The following ZFHX2 variants were observed in gnomAD, a reference collection of about 807,000 sequenced individuals.
ZFHX2 encodes the protein zinc finger homeobox protein 2.
Under a neutral mutation model 164.8 loss-of-function variants are expected in ZFHX2, and 75 were observed. That is an observed-to-expected ratio of 0.46 (90% CI 0.38 to 0.55). The LOEUF (loss-of-function observed/expected upper bound fraction) is 0.55, where lower values mean the gene tolerates loss of function less well. Among genes scored for constraint, ZFHX2 ranks in the 20% least tolerant of loss-of-function variants. The probability of loss-of-function intolerance (pLI) is 0.00; values close to 1 mark genes in which losing one functional copy is unlikely to be tolerated. For missense variants in ZFHX2, 2,933 were observed against 3,308.0 expected (o/e 0.89, Z 2.78); for synonymous variants, 1,217 against 1,351.4 (o/e 0.90, Z 2.18).
intron 3 of ZFHX2, 117 bp downstream of exon 3, chr14:23,532,450 T>C (rs1420372220): frequency 7.8e-7 from 1 of 1,282,146 alleles, no homozygotes; most frequent in African/African-American, 1.5e-5. Context: ...TGGTGCATAC[T>C]TTCCTTTTTC....
rs75459524 is a variant in ZFHX2, at chr14:23,521,454, T to C, written c.*508A>G. 0.027 allele frequency: 4,107 copies of C among 154,468 alleles called. 174 individuals carry two copies. The highest frequency in any genetic ancestry group is 0.094 in the African/African-American group (3,890 of 41,546). 9.6% of individuals were successfully genotyped at this position (154,468 alleles called of 1,614,324 possible). A position where few individuals can be genotyped will look rare whatever the true frequency, so the allele number is the denominator to read the frequency against. ...GAGAAGAGAGAGTGGCGAAGTTTGT[T>C]TTCCTTCCCCCTTCTTTGCCTTGGG... On this transcript the variant is annotated 3_prime_UTR_variant, in exon 10 of 10. Transcript: ENST00000419474.
Position 23,535,026 on chromosome 14 carries a change from C to G in ZFHX2, c.300G>C (p.Glu100Asp), listed in dbSNP as rs1451694000. The G allele has an allele frequency of 6.5e-7, 1 of 1,536,016 alleles. No homozygotes were observed. Among genetic ancestry groups the G allele is most frequent in the Non-Finnish European group, 8.7e-7 (1 of 1,146,856 alleles). Reference sequence around the variant, plus strand: ...CCATGGGAGGGAGCCCTTCTTCTTCCTCCTCCTGCTCCTTGTCCTTTTCCA... The same window carrying G: ...CCATGGGAGGGAGCCCTTCTTCTTCGTCCTCCTGCTCCTTGTCCTTTTCCA... ...PGVEKDKEQE[E>D]EEEGLPPMDL... The change falls in exon 2 of 10, where the codon GAG (glutamate) becomes GAC (aspartate). Residue 100 changes from glutamate to aspartate, a missense_variant. Physicochemically the swap from Glu to Asp is conservative, Grantham distance 45. Coordinates refer to ENST00000419474, the MANE Select transcript of ZFHX2 (RefSeq NM_033400.3). This position sits in a 1 kb window ranked among gnomAD's most constrained non-coding sequence, Gnocchi z 4.5.
At chr14:23,549,881 A>C (rs1293619061) in intron 1 of ZFHX2, among the ~76,000 whole-genome samples, 1 of 152,154 alleles carries the variant, frequency 6.6e-6, no homozygotes, top group African/African-American at 2.4e-5. Flanking sequence ...AAAATGCTGG[A>C]TAAGAGGAAA....
chr14:23,539,239 C>A (rs926419388), intron 1 of ZFHX2, among the ~76,000 whole-genome samples: 3 of 152,164 alleles, frequency 2.0e-5, no homozygotes, highest in Non-Finnish European at 2.9e-5. Context: ...TTCCTCTGTC[C>A]AGACCCAGGT....
chr14:23,552,016 G>T (rs1882003151), upstream of ZFHX2, among the ~76,000 whole-genome samples: 5 of 152,164 alleles, frequency 3.3e-5, no homozygotes, highest in South Asian at 4.1e-4. Flanking sequence ...AACCATACAT[G>T]TGTTTTGTTG....
chr14:23,523,336 C>T lies in ZFHX2; in HGVS notation c.6606G>A (p.Lys2202=). 1.4e-6 allele frequency: 2 copies of T among 1,461,942 alleles called. No individual in the cohort carries two copies. The highest frequency in any genetic ancestry group is 1.8e-6 in the Non-Finnish European group (2 of 1,110,240). The allele number at this position is 1,461,942 out of a possible 1,614,324, so 90.6% of individuals were successfully genotyped here. ...AGGCAGGTGTGGTGGCAGGTGGGGC[C>T]TTGAGAGCTGGGGGAGCCTCAGGTG... is the stretch of plus-strand genomic sequence containing the variant. ...APAPEAPPAL[K]APPATTPASM... Residue 2202 remains lysine, a synonymous_variant, in exon 9 of 10, where the codon AAG becomes AAA. Coordinates refer to ENST00000419474, the MANE Select transcript of ZFHX2 (RefSeq NM_033400.3). This position sits in a 1 kb window ranked among gnomAD's most constrained non-coding sequence, Gnocchi z 4.1.
At chr14:23,528,729 C>T (rs1255877960) in intron 6 of ZFHX2, 2 of 985,308 alleles carry the variant, frequency 2.0e-6, no homozygotes, top group Non-Finnish European at 2.4e-6. Flanking sequence ...TGTGAATAAA[C>T]ACCACAGCTC....
At chr14:23,544,704 C>A (rs2138886616) in intron 1 of ZFHX2, among the ~76,000 whole-genome samples, 1 of 152,242 alleles carries the variant, frequency 6.6e-6, no homozygotes, top group East Asian at 1.9e-4. Flanking sequence ...TGAGTGTGAT[C>A]TCGTTACACT....
intron 6 of ZFHX2, chr14:23,529,266 C>A: frequency 3.6e-5 from 6 of 168,000 alleles, no homozygotes; most frequent in Admixed American, 1.2e-4. Flanking sequence ...TGCCCCTACC[C>A]TTAGTAAGAG....
rs1486601951 is a variant in ZFHX2 at position 23,525,163 on chromosome 14, G to A, written c.4779C>T (p.Ala1593=). ...ACTTGGTTCTGGAGAACCGGCGGCC[G>A]GCAGGCACCAGGGGAGGAAGATTCC... The part of the protein sequence containing the change: ...SRGNLPPLVP[A]GRRFSRTKFT... The change falls in exon 9 of 10, where the codon GCC becomes GCT. Residue 1593 remains alanine (A), a synonymous_variant. Coordinates refer to ENST00000419474, the MANE Select transcript of ZFHX2 (RefSeq NM_033400.3). This position sits in a 1 kb window ranked among gnomAD's most constrained non-coding sequence, Gnocchi z 5.9. 1.8e-5 allele frequency: 27 copies of A among 1,536,016 alleles called. No homozygotes were observed. Among genetic ancestry groups the A allele is most frequent in the African/African-American group, 2.7e-5 (2 of 73,040 alleles).
Position 23,524,420 on chromosome 14 carries a change from G to A in ZFHX2, c.5522C>T (p.Pro1841Leu). The change falls in exon 9 of 10, where the codon CCC becomes CTC. Residue 1841 changes from proline (P) to leucine (L), a missense_variant. Physicochemically the swap from Pro to Leu is moderately conservative, Grantham distance 98 (BLOSUM62 -3). Transcript: ENST00000419474. The surrounding 1 kb of genome is among the most constrained non-coding windows in gnomAD (Gnocchi z 5.6). The part of the protein sequence containing the change: ...KRKHEDGSLS[P>L]TGSEAGGGGE... The stretch of plus-strand genomic sequence containing the variant: ...TCCTCCCCCTGCTTCACTGCCTGTG[G>A]GAGACAAGCTGCCGTCCTCATGCTT... 6.5e-7 allele frequency: 1 copy of A among 1,536,200 alleles called. No homozygotes were observed. Among genetic ancestry groups the A allele is most frequent in the South Asian group, 1.2e-5 (1 of 84,062 alleles).
Position 23,527,759 on chromosome 14 carries a change from G to T in ZFHX2, c.2980C>A (p.Gln994Lys). 1.3e-6 allele frequency: 2 copies of T among 1,536,148 alleles called. No homozygotes were observed. The highest frequency in any genetic ancestry group is 1.7e-6 in the Non-Finnish European group (2 of 1,146,918). ...YCSFLSPESS[Q>K]VRAHTLSQHA... The stretch of plus-strand genomic sequence containing the variant: ...TGGGAGAGTGTATGAGCCCTCACCT[G>T]GCTGGACTCTGGGCTCAGGAAGCTG... The change falls in exon 7 of 10, where the codon CAG becomes AAG. Residue 994 changes from glutamine to lysine, a missense_variant. Physicochemically the swap from Gln to Lys is moderately conservative, Grantham distance 53. Transcript: ENST00000419474.
intron 3 of ZFHX2, 159 bp from the exon 4 acceptor site, chr14:23,531,880 G>T: frequency 1.0e-6 from 1 of 982,764 alleles, no homozygotes; most frequent in Non-Finnish European, 1.3e-6. Flanking sequence ...TGGGTTCAGT[G>T]ATTCTCATGC....
chr14:23,530,198 T>G lies in ZFHX2; in HGVS notation c.2801-4A>C. The stretch of plus-strand genomic sequence containing the variant: ...AAGGGGGTGACAGGAGCCTTCCCTG[T>G]GTAGGATGGGGGGAGAGTCAGCTTA... On this transcript the variant is annotated splice_polypyrimidine_tract_variant and splice_region_variant and intron_variant, in intron 4 of 9. Transcript: ENST00000419474. The G allele has an allele frequency of 6.5e-7, 1 of 1,529,580 alleles. No homozygotes were observed. The highest frequency in any genetic ancestry group is 8.8e-7 in the Non-Finnish European group (1 of 1,141,560). 94.8% of individuals were successfully genotyped at this position (1,529,580 alleles called of 1,614,324 possible).
chr14:23,526,019 T>C lies in ZFHX2; in HGVS notation c.3923A>G (p.Lys1308Arg). 1 of 1,535,348 alleles carries C rather than the reference T, an allele frequency of 6.5e-7. No homozygotes were observed. The highest frequency in any genetic ancestry group is 8.7e-7 in the Non-Finnish European group (1 of 1,146,300). Residue 1308 changes from lysine to arginine, a missense_variant, in exon 9 of 10, where the codon AAG becomes AGG. Lys to Arg is a conservative substitution (Grantham distance 26). Coordinates refer to ENST00000419474, the MANE Select transcript of ZFHX2 (RefSeq NM_033400.3). ...GETEGEVGTE[K>R]KGPDTSGFIS... ...GAAGCCACTGGTGTCAGGGCCCTTC[T>C]TCTCAGTGCCCACCTCCCCCTCTGT...
At chr14:23,537,417 G>A (rs1880301532) in intron 1 of ZFHX2, among the ~76,000 whole-genome samples, 1 of 152,030 alleles carries the variant, frequency 6.6e-6, no homozygotes, top group Non-Finnish European at 1.5e-5. Flanking sequence ...GGCGAGGGGC[G>A]TGGCCTCTCT....
intron 1 of ZFHX2, among the ~76,000 whole-genome samples, chr14:23,539,322 C>T (rs1343000937): frequency 6.6e-6 from 1 of 151,926 alleles, no homozygotes; most frequent in African/African-American, 2.4e-5. Context: ...GGAGTTAATG[C>T]CCTACAAACA....
At chr14:23,527,018 G>A (rs367932494) in intron 7 of ZFHX2, 45 bp from the exon 8 acceptor site, 3 of 1,461,774 alleles carry the variant, frequency 2.1e-6, no homozygotes, top group African/African-American at 2.8e-5. Context: ...ACCCCCCACT[G>A]CCCCTATGCC....
intron 1 of ZFHX2, among the ~76,000 whole-genome samples, chr14:23,541,821 TCTA>T (rs1227715509): frequency 1.1e-4 from 14 of 128,962 alleles, no homozygotes; most frequent in Admixed American, 7.0e-4. Flanking sequence ...AAACTATCAT[TCTA>T]TCATCTCTAA....
Sources: gnomAD v4.1 joint callset for allele counts (sites outside exome capture counted in the v4.1 genomes callset) on GRCh38, gnomAD v4.1.1 for gene constraint, Gnocchi (gnomAD v3.1) non-coding constraint, MANE v1.5 for transcripts, NCBI Gene and HGNC (gene_info 2026-07-23, HGNC 2026-07-21) for gene names.